Variants in FBXO27 observed in about 807,000 individuals in gnomAD.
FBXO27 encodes F-box only protein 27.
In FBXO27, 28 loss-of-function variants were observed where a neutral mutation model predicts 28.3. That is an observed-to-expected ratio of 0.99 (90% CI 0.73 to 1.36). FBXO27 has a LOEUF of 1.36. Ranked by LOEUF, FBXO27 falls within the 40% of genes most tolerant of loss-of-function variation. FBXO27 has a pLI of 0.00. For missense variants in FBXO27, 388 were observed against 394.1 expected (o/e 0.98, Z 0.13); for synonymous variants, 175 against 167.3 (o/e 1.05, Z -0.36).
chr19:39,017,662 CA>C lies in FBXO27; in HGVS notation c.92-3116del, dbSNP rs58873231. Among the ~76,000 whole-genome samples, 102 of 141,262 alleles carry C rather than the reference CA, an allele frequency of 7.2e-4. 1 individual carries two copies. The highest frequency in any genetic ancestry group is 7.9e-4 in the Admixed American group (11 of 13,868). The allele number at this position is 141,262 out of a possible 152,430, so 92.7% of individuals were successfully genotyped here. On this transcript the variant is annotated intron_variant, in intron 1 of 2. Coordinates refer to the FBXO27 transcript ENST00000598394. Reference sequence around the variant, plus strand: ...AGCCTGGGCAACAGCGAGACTGTCTCAAAAAAAAAAAAAATCATACATCTAG... The same window carrying C: ...AGCCTGGGCAACAGCGAGACTGTCTCAAAAAAAAAAAAATCATACATCTAG...
At chr19:39,025,778 G>C (rs1393976175) in intron 5 of FBXO27, among the ~76,000 whole-genome samples, 1 of 152,212 alleles carries the variant, frequency 6.6e-6, no homozygotes, top group Non-Finnish European at 1.5e-5. Flanking sequence ...ACTTTGGGAG[G>C]CCGAGGCAGG....
intron 4 of FBXO27, among the ~76,000 whole-genome samples, chr19:39,028,762 C>T (rs906012666): frequency 3.3e-5 from 5 of 152,092 alleles, no homozygotes; most frequent in African/African-American, 9.7e-5. Context: ...ACTGGGGAGG[C>T]TGAGGCAGGA....
chr19:39,007,917 G>T (rs1184918636), intron 2 of FBXO27, among the ~76,000 whole-genome samples: 6 of 152,082 alleles, frequency 3.9e-5, no homozygotes, highest in Admixed American at 3.9e-4. Context: ...CTCCCAAAGT[G>T]CTGGGATTAT....
In FBXO27 at chr19:39,032,205, C is replaced by A; in HGVS notation, c.23G>T (p.Gly8Val). Residue 8 changes from glycine to valine, a missense_variant, in exon 2 of 6, where the codon GGC (glycine) becomes GTC (valine). Physicochemically the swap from Gly to Val is moderately radical, Grantham distance 109 (BLOSUM62 -3). Transcript: ENST00000292853. The surrounding 1 kb of genome is among the most constrained non-coding windows in gnomAD (Gnocchi z 4.7). ...CGGCGCGGGGACCCGGGCGGCCCGGCCCCTGGAGACCGAGGCGCCCATGGT... is the reference window on the plus strand; with the variant it reads ...CGGCGCGGGGACCCGGGCGGCCCGGACCCTGGAGACCGAGGCGCCCATGGT... MGASVSR[G>V]RAARVPAPEP... is the part of the protein sequence containing the mutation. The A allele has an allele frequency of 6.8e-7, 1 of 1,461,486 alleles. No individual in the cohort carries two copies. 90.5% of individuals were successfully genotyped at this position (1,461,486 alleles called of 1,614,324 possible).
At chr19:39,030,764 G>T in intron 4 of FBXO27, 1 of 482,004 alleles carries the variant, frequency 2.1e-6, no homozygotes, top group Admixed American at 3.3e-5. Context: ...TACCAGGCCC[G>T]GCTAATTTTT....
downstream of FBXO27, among the ~76,000 whole-genome samples, chr19:39,021,142 G>A (rs187186578): frequency 2.8e-4 from 43 of 152,250 alleles, no homozygotes; most frequent in Non-Finnish European, 4.6e-4. Context: ...CACCGTGCCT[G>A]GCCAGAAGAT....
intron 5 of FBXO27, among the ~76,000 whole-genome samples, 186 bp from the exon 6 acceptor site, chr19:39,025,740 C>T (rs114323585): frequency 0.02 from 3,056 of 152,210 alleles, 98 homozygotes; most frequent in African/African-American, 0.069. Context: ...TGGTCGGGTG[C>T]GGTATGGCTC....
intron 1 of FBXO27, among the ~76,000 whole-genome samples, chr19:39,016,777 C>T (rs972708126): frequency 8.1e-5 from 12 of 148,958 alleles, no homozygotes; most frequent in Non-Finnish European, 1.0e-4. Flanking sequence ...AGAGTGAGAA[C>T]GTCTCAAAAA....
At position 39,031,062 on chromosome 19, in the gene FBXO27, T is replaced by G. The variant is rs760713666; in HGVS notation, c.539A>C (p.Asp180Ala). The change falls in exon 4 of 6, where the codon GAT becomes GCT. Residue 180 changes from aspartate to alanine, a missense_variant. Asp to Ala is a moderately radical substitution (Grantham distance 126). Coordinates refer to ENST00000292853, the MANE Select transcript of FBXO27 (RefSeq NM_178820.5). ...GACACAAATCTCAATCCTGCCACTA[T>G]CCAGCAGTTCTGGCCACAGACCCTC... ...EEEGLWPELLDSGRIEICVSD... is the reference protein window; with the variant it reads ...EEEGLWPELLASGRIEICVSD... 1.2e-6 allele frequency: 2 copies of G among 1,614,146 alleles called. No individual in the cohort carries two copies. The highest frequency in any genetic ancestry group is 1.7e-6 in the Non-Finnish European group (2 of 1,180,012).
chr19:39,013,723 C>T (rs1030485924), intron 2 of FBXO27, among the ~76,000 whole-genome samples: 1 of 151,052 alleles, frequency 6.6e-6, no homozygotes, highest in Admixed American at 6.6e-5. Flanking sequence ...AAGAAGAAGC[C>T]CTTTCCTTGG....
intron 2 of FBXO27, among the ~76,000 whole-genome samples, chr19:39,006,033 G>A (rs1975732395): frequency 6.6e-6 from 1 of 152,160 alleles, no homozygotes; most frequent in East Asian, 1.9e-4. Context: ...ACACAGAAAA[G>A]TCTCTTTGGT....
chr19:39,010,426 A>G (rs1413640091), intron 2 of FBXO27, among the ~76,000 whole-genome samples: 2 of 152,194 alleles, frequency 1.3e-5, no homozygotes, highest in East Asian at 1.9e-4. Flanking sequence ...TCGAGGTATG[A>G]GTTTATTTCT....
intron 2 of FBXO27, among the ~76,000 whole-genome samples, chr19:39,010,343 C>T (rs1037065985): frequency 6.6e-6 from 1 of 152,076 alleles, no homozygotes; most frequent in African/African-American, 2.4e-5. Flanking sequence ...CGTTATCTGG[C>T]ACCATTTGTT....
At chr19:39,010,087 G>C (rs570870830) in intron 2 of FBXO27, among the ~76,000 whole-genome samples, 3 of 152,138 alleles carry the variant, frequency 2.0e-5, no homozygotes, top group Non-Finnish European at 1.5e-5. Flanking sequence ...TGGGATTAGA[G>C]GTGTGAGCCA....
intron 2 of FBXO27, 52 bp downstream of exon 2, chr19:39,031,798 CCCTCCGGCCCCGCT>C: frequency 2.1e-5 from 30 of 1,406,310 alleles, no homozygotes; most frequent in Non-Finnish European, 2.8e-5. Flanking sequence ...GCGGCCCCGC[CCCTCCGGCCCCGCT>C]ACCGCTCCCA....
Position 39,031,338 on chromosome 19 carries a change from C to T in FBXO27, c.365-18G>A. On this transcript the variant is annotated intron_variant, in intron 2 of 5. Transcript: ENST00000292853. ...GAGGCCTTCTGTGAAATAAAAAAGG[C>T]TTGTGCCCAAGTTCCAGTCGCCCGC... 1.9e-6 allele frequency: 3 copies of T among 1,612,766 alleles called. No homozygotes were observed. The highest frequency in any genetic ancestry group is 1.7e-6 in the Non-Finnish European group (2 of 1,179,076).
Position 39,032,099 on chromosome 19 carries a change from CG to C in FBXO27, c.128del (p.Pro43ArgfsTer27). On this transcript the variant is annotated frameshift_variant, in exon 2 of 6. Coordinates refer to ENST00000292853, the MANE Select transcript of FBXO27 (RefSeq NM_178820.5). LOFTEE classifies it high-confidence loss of function. The surrounding 1 kb of genome is among the most constrained non-coding windows in gnomAD (Gnocchi z 4.7). ...GGCGGCAGCGCCCGAGCAGCGTGCG[CG>C]GGGGGACGTGGCTCAGCACCACCAG... is the stretch of plus-strand genomic sequence containing the variant. ...LLLVVLSHVP[P>X]RTLLGRCRQV... is the part of the protein sequence containing the mutation. 2.0e-6 allele frequency: 3 copies of C among 1,530,984 alleles called. No homozygotes were observed. Among genetic ancestry groups the C allele is most frequent in the Non-Finnish European group, 2.6e-6 (3 of 1,146,246 alleles). The allele number at this position is 1,530,984 out of a possible 1,614,324, so 94.8% of individuals were successfully genotyped here.
At position 39,032,237 on chromosome 19, in the gene FBXO27, G is replaced by A. The variant is rs1258992443; in HGVS notation, c.-10C>T. Reference sequence around the variant, plus strand: ...AGACCGAGGCGCCCATGGTCCCCCCGCCAGGCCCGGCTGTGGCTGCGGGAG... The same window carrying A: ...AGACCGAGGCGCCCATGGTCCCCCCACCAGGCCCGGCTGTGGCTGCGGGAG... On this transcript the variant is annotated 5_prime_UTR_variant, in exon 2 of 6. Transcript: ENST00000292853. The surrounding 1 kb of genome is among the most constrained non-coding windows in gnomAD (Gnocchi z 4.7). The A allele has an allele frequency of 7.0e-7, 1 of 1,422,442 alleles. No individual in the cohort carries two copies. Among genetic ancestry groups the A allele is most frequent in the Non-Finnish European group, 9.1e-7 (1 of 1,096,924 alleles). The allele number at this position is 1,422,442 out of a possible 1,614,324, so 88.1% of individuals were successfully genotyped here.
chr19:39,027,654 G>C (rs1044660917), intron 4 of FBXO27, among the ~76,000 whole-genome samples: 2 of 151,892 alleles, frequency 1.3e-5, no homozygotes, highest in Admixed American at 6.6e-5. Flanking sequence ...GAATTGTGAA[G>C]GTGGTTTTGG....
Sources: allele counts gnomAD v4.1 joint callset (sites outside exome capture counted in the v4.1 genomes callset), GRCh38; gene constraint gnomAD v4.1.1; non-coding constraint Gnocchi (gnomAD v3.1); transcripts MANE v1.5; gene names NCBI Gene and HGNC (gene_info 2026-07-23, HGNC 2026-07-21).